Variants in HYCC1 observed in about 807,000 individuals in gnomAD.
The protein encoded by HYCC1 is hyccin.
chr7:22,910,588 G>A, the HYCC1 span, among the ~76,000 whole-genome samples: 1,163 of 152,126 alleles, frequency 7.6e-3, 10 homozygotes, highest in African/African-American at 0.022. Flanking sequence ...CATGAAAAAC[G>A]AGGGTAGGAC....
chr7:22,952,131 AAGAT>A, the HYCC1 span, among the ~76,000 whole-genome samples: 1 of 152,012 alleles, frequency 6.6e-6, no homozygotes, highest in Non-Finnish European at 1.5e-5. Flanking sequence ...AACAGCCAAA[AAGAT>A]AGATTCTTCC....
chr7:22,917,367 G>A, the HYCC1 span, among the ~76,000 whole-genome samples: 29 of 152,128 alleles, frequency 1.9e-4, no homozygotes, highest in African/African-American at 5.3e-4. Flanking sequence ...CCTTTCCATC[G>A]TGGAAATCTA....
the HYCC1 span, among the ~76,000 whole-genome samples, chr7:22,904,870 CAAA>C: frequency 6.7e-5 from 7 of 104,938 alleles, no homozygotes; most frequent in East Asian, 2.4e-4. Context: ...GACTTTGTCT[CAAA>C]AAAAAAAAAA....
the HYCC1 span, among the ~76,000 whole-genome samples, chr7:22,897,792 T>C: frequency 0.016 from 2,409 of 151,780 alleles, 69 homozygotes; most frequent in African/African-American, 0.055. Context: ...TTTTTAAAAT[T>C]TATTTATTTA....
At chr7:22,979,574 A>G in the HYCC1 span, among the ~76,000 whole-genome samples, 1 of 152,208 alleles carries the variant, frequency 6.6e-6, no homozygotes, top group Non-Finnish European at 1.5e-5. Flanking sequence ...TTTAGCTTTC[A>G]GGGTGGAGTT....
the HYCC1 span, among the ~76,000 whole-genome samples, chr7:22,930,375 T>TAAAAAG: frequency 1.2e-5 from 1 of 84,252 alleles, no homozygotes; most frequent in African/African-American, 5.7e-5. Context: ...AGAAACAAAG[T>TAAAAAG]AAAAAGAAAA....
At chr7:22,925,993 A>G in the HYCC1 span, among the ~76,000 whole-genome samples, 1 of 152,288 alleles carries the variant, frequency 6.6e-6, no homozygotes, top group East Asian at 1.9e-4. Context: ...CTCGGCAGAA[A>G]CTCTACAAGC....
the HYCC1 span, among the ~76,000 whole-genome samples, chr7:22,950,768 C>T: frequency 6.6e-6 from 1 of 151,528 alleles, no homozygotes; most frequent in Non-Finnish European, 1.5e-5. Flanking sequence ...AGAACTTAAT[C>T]CTTTCTTTAA....
chr7:22,945,884 T>C, the HYCC1 span: 1 of 1,613,840 alleles, frequency 6.2e-7, no homozygotes, highest in East Asian at 2.2e-5. Context: ...AGTAAGTCTC[T>C]TCAAAGAGAG....
At chr7:23,012,287 A>G in the HYCC1 span, among the ~76,000 whole-genome samples, 1 of 152,188 alleles carries the variant, frequency 6.6e-6, no homozygotes, top group Non-Finnish European at 1.5e-5. Context: ...ACACCAGTCT[A>G]AAAAATACAA....
the HYCC1 span, among the ~76,000 whole-genome samples, chr7:22,910,069 G>A: frequency 3.3e-5 from 5 of 152,212 alleles, no homozygotes; most frequent in African/African-American, 9.7e-5. Flanking sequence ...ATGCAACTCA[G>A]TGACAAATAT....
the HYCC1 span, chr7:22,936,223 T>C: frequency 6.6e-6 from 1 of 151,978 alleles, no homozygotes; most frequent in Non-Finnish European, 1.5e-5. Flanking sequence ...AATAGTTGTC[T>C]CTCCATGAAA....
the HYCC1 span, among the ~76,000 whole-genome samples, chr7:22,974,353 C>T: frequency 2.6e-5 from 4 of 152,192 alleles, no homozygotes; most frequent in South Asian, 8.3e-4. Flanking sequence ...TAAAAAGTTG[C>T]CAACACTTAT....
chr7:23,007,628 A>C, the HYCC1 span, among the ~76,000 whole-genome samples: 1 of 152,154 alleles, frequency 6.6e-6, no homozygotes, highest in Admixed American at 6.5e-5. Context: ...CTCTCTTTTT[A>C]CAAAGCTGGC....
chr7:22,994,225 C>A, the HYCC1 span, among the ~76,000 whole-genome samples: 1 of 152,160 alleles, frequency 6.6e-6, no homozygotes, highest in African/African-American at 2.4e-5. Context: ...TTACAGTATA[C>A]TGTACAATAT....
At chr7:22,964,292 A>G in the HYCC1 span, 1 of 689,612 alleles carries the variant, frequency 1.5e-6, no homozygotes, top group Non-Finnish European at 2.6e-6. Context: ...CAAGATCTTC[A>G]TATTTCACAA....
the HYCC1 span, among the ~76,000 whole-genome samples, chr7:22,902,368 A>AT: frequency 6.6e-6 from 1 of 151,900 alleles, no homozygotes; most frequent in African/African-American, 2.4e-5. Flanking sequence ...AGCTAAAAAA[A>AT]AACCCAAAGT....
the HYCC1 span, among the ~76,000 whole-genome samples, chr7:22,905,566 A>T: frequency 1.3e-5 from 2 of 151,674 alleles, no homozygotes; most frequent in African/African-American, 4.8e-5. Flanking sequence ...CACCATCTTT[A>T]CTTAATTTCT....
chr7:22,914,624 A>G, the HYCC1 span, among the ~76,000 whole-genome samples: 2 of 152,166 alleles, frequency 1.3e-5, no homozygotes, highest in Non-Finnish European at 2.9e-5. Context: ...ACGTCCAGGC[A>G]TTCTTTTACA....
Sources: gnomAD v4.1 joint callset for allele counts (sites outside exome capture counted in the v4.1 genomes callset) on GRCh38, gnomAD v4.1.1 for gene constraint, MANE v1.5 for transcripts, NCBI Gene and HGNC (gene_info 2026-07-23, HGNC 2026-07-21) for gene names.